The following PRELID2 variants were observed in gnomAD, a reference collection of about 807,000 sequenced individuals.
PRELID2 encodes the protein PRELI domain containing 2.
Under a neutral mutation model 28.4 loss-of-function variants are expected in PRELID2, and 25 were observed. That is an observed-to-expected ratio of 0.88 (90% CI 0.64 to 1.23). The LOEUF (loss-of-function observed/expected upper bound fraction) is 1.23. Among genes scored for constraint, PRELID2 ranks in the 50% most tolerant of loss-of-function variants. PRELID2 has a pLI of 0.00. For missense variants in PRELID2, 201 were observed against 214.4 expected, an observed-to-expected ratio of 0.94 and a Z score of 0.39; for synonymous variants, 76 against 71.6, an observed-to-expected ratio of 1.06 and a Z score of -0.31.
chr5:145,582,389 C>A (rs1474026912), intron 1 of PRELID2, among the ~76,000 whole-genome samples: 3 of 151,968 alleles, frequency 2.0e-5, no homozygotes, highest in African/African-American at 7.2e-5. Context: ...TTCCACACAT[C>A]TTCAAACAAC....
chr5:145,713,682 TACAC>T (rs1366693312), intron 1 of PRELID2, among the ~76,000 whole-genome samples: 1 of 97,966 alleles, frequency 1.0e-5, no homozygotes, highest in Non-Finnish European at 2.0e-5. Context: ...TATATATATA[TACAC>T]ACACTATATA....
chr5:145,478,707 G>A (rs112156481), intron 1 of PRELID2, among the ~76,000 whole-genome samples: 183 of 152,178 alleles, frequency 1.2e-3, no homozygotes, highest in Non-Finnish European at 2.1e-3. Flanking sequence ...TAATGTGACT[G>A]CTATAAAGTT....
chr5:145,514,366 A>C (rs142370776), intron 1 of PRELID2, among the ~76,000 whole-genome samples: 3,117 of 151,074 alleles, frequency 0.021, 110 homozygotes, highest in African/African-American at 0.073. Context: ...CTGATTAAAC[A>C]GACTTTAAAC....
intron 1 of PRELID2, among the ~76,000 whole-genome samples, chr5:145,665,670 A>C (rs1754574950): frequency 6.6e-6 from 1 of 151,372 alleles, no homozygotes; most frequent in African/African-American, 2.4e-5. Context: ...TCCTCTTATC[A>C]CTCCCCACCA....
At chr5:145,634,096 T>C (rs1354891946) in intron 1 of PRELID2, among the ~76,000 whole-genome samples, 1 of 152,190 alleles carries the variant, frequency 6.6e-6, no homozygotes, top group Non-Finnish European at 1.5e-5. Flanking sequence ...CAGAAAATAG[T>C]TGCTCTTTCT....
At chr5:145,285,394 C>G in the PRELID2 span, among the ~76,000 whole-genome samples, 2 of 152,144 alleles carry the variant, frequency 1.3e-5, no homozygotes, top group Admixed American at 1.3e-4. Context: ...CCGAAGCTCC[C>G]CCGCTCCGCC....
At chr5:145,352,890 C>T in the PRELID2 span, among the ~76,000 whole-genome samples, 1 of 152,116 alleles carries the variant, frequency 6.6e-6, no homozygotes, top group African/African-American at 2.4e-5. Flanking sequence ...TTCCAGTTCC[C>T]AATAATTTTC....
At chr5:145,618,341 C>T (rs62394217) in intron 1 of PRELID2, among the ~76,000 whole-genome samples, 19,643 of 152,146 alleles carry the variant, frequency 0.13, 1,802 homozygotes, top group African/African-American at 0.23. Flanking sequence ...GGGCTGAAGG[C>T]TGTTGTTCAG....
At chr5:145,812,881 G>T (rs1754048550) in intron 4 of PRELID2, among the ~76,000 whole-genome samples, 1 of 152,214 alleles carries the variant, frequency 6.6e-6, no homozygotes, top group Non-Finnish European at 1.5e-5. Context: ...AGTGAAGGAA[G>T]AAAGCATATT....
At chr5:145,651,129 G>T (rs566610743) in intron 1 of PRELID2, among the ~76,000 whole-genome samples, 1 of 152,202 alleles carries the variant, frequency 6.6e-6, no homozygotes, top group African/African-American at 2.4e-5. Context: ...CTGGCTCAGA[G>T]GGTCCCACGC....
At chr5:145,586,693 A>T (rs1163093900) in intron 1 of PRELID2, among the ~76,000 whole-genome samples, 1 of 152,098 alleles carries the variant, frequency 6.6e-6, no homozygotes, top group Non-Finnish European at 1.5e-5. Context: ...TATATCCGAC[A>T]TCTCTGAGCA....
At chr5:145,741,571 A>G (rs1438077479) in intron 1 of PRELID2, among the ~76,000 whole-genome samples, 1 of 44,428 alleles carries the variant, frequency 2.3e-5, no homozygotes, top group African/African-American at 6.2e-5. Flanking sequence ...TATAAAATTT[A>G]TTTATAAATA....
At chr5:145,614,093 T>C (rs191915569) in intron 1 of PRELID2, among the ~76,000 whole-genome samples, 20 of 152,342 alleles carry the variant, frequency 1.3e-4, no homozygotes, top group African/African-American at 4.3e-4. Context: ...CCCCACTTTA[T>C]GTTTTTGTTT....
intron 1 of PRELID2, among the ~76,000 whole-genome samples, chr5:145,584,989 T>C (rs1212865504): frequency 6.6e-6 from 1 of 152,190 alleles, no homozygotes; most frequent in Admixed American, 6.5e-5. Context: ...TGCATGTGTA[T>C]GTTCACTGCA....
the PRELID2 span, among the ~76,000 whole-genome samples, chr5:145,313,207 T>C: frequency 3.3e-5 from 5 of 152,308 alleles, no homozygotes; most frequent in East Asian, 9.6e-4. Flanking sequence ...ATTAATGCAG[T>C]TATACCTTCA....
the PRELID2 span, among the ~76,000 whole-genome samples, chr5:145,465,426 T>C: frequency 1.3e-5 from 2 of 152,194 alleles, no homozygotes; most frequent in African/African-American, 4.8e-5. Context: ...CATTGTGTGA[T>C]ATTATCCTAA....
chr5:145,741,184 T>A (rs1273211421), intron 1 of PRELID2, among the ~76,000 whole-genome samples: 1 of 102,758 alleles, frequency 9.7e-6, no homozygotes, highest in Non-Finnish European at 1.7e-5. Context: ...TATTTATATA[T>A]AATATATACT....
the PRELID2 span, among the ~76,000 whole-genome samples, chr5:145,345,470 A>G: frequency 2.6e-4 from 39 of 152,080 alleles, no homozygotes; most frequent in Non-Finnish European, 5.3e-4. Context: ...GAAATACTGC[A>G]AGAAGAATGA....
At chr5:145,307,685 G>A in the PRELID2 span, among the ~76,000 whole-genome samples, 1 of 152,108 alleles carries the variant, frequency 6.6e-6, no homozygotes, top group East Asian at 1.9e-4. Flanking sequence ...CCACCAGTTT[G>A]GCTGTGGGCA....
Sources: gnomAD v4.1 joint callset for allele counts (sites outside exome capture counted in the v4.1 genomes callset) on GRCh38, gnomAD v4.1.1 for gene constraint, MANE v1.5 for transcripts, NCBI Gene and HGNC (gene_info 2026-07-23, HGNC 2026-07-21) for gene names.